The following ROBO2 variants were observed in gnomAD, a reference collection of about 807,000 sequenced individuals.
The protein encoded by ROBO2 is roundabout guidance receptor 2, also known as roundabout homolog 2.
ROBO2 carries 53 observed loss-of-function variants against 160.8 expected under a neutral mutation model. The observed-to-expected ratio is 0.33, with a 90% confidence interval of 0.26 to 0.41. The LOEUF (loss-of-function observed/expected upper bound fraction) is 0.41, where lower values mean the gene tolerates loss of function less well. Among genes scored for constraint, ROBO2 ranks in the 10% least tolerant of loss-of-function variants. ROBO2 has a pLI of 1.00. For synonymous variants in ROBO2, 664 were observed against 611.7 expected, an observed-to-expected ratio of 1.09 and a Z score of -1.26; for missense variants, 1,577 against 1,722.4, an observed-to-expected ratio of 0.92 and a Z score of 1.49.
chr3:76,824,045 C>T (rs2066356739), intron 2 of ROBO2, among the ~76,000 whole-genome samples: 1 of 152,134 alleles, frequency 6.6e-6, no homozygotes, highest in African/African-American at 2.4e-5. Context: ...GGCCATGATC[C>T]TTTCATGTTG....
In ROBO2 at chr3:76,309,751, A is replaced by G. The variant is rs564040763; in HGVS notation, c.109+372149A>G. On this transcript the variant is annotated intron_variant, in intron 2 of 26. Coordinates refer to the ROBO2 transcript ENST00000487694. ...CATATACTAACATGTAGACAGATTT[A>G]AAATAGTAGCCAGAATGTTTTGATC... Among the ~76,000 whole-genome samples the G allele has an allele frequency of 7.2e-5, 11 of 152,106 alleles. No homozygotes were observed. In the South Asian group the frequency reaches 1.2e-3, roughly 17 times the overall value.
chr3:75,926,057 GA>G (rs890343710), intron 1 of ROBO2, among the ~76,000 whole-genome samples: 4 of 151,884 alleles, frequency 2.6e-5, no homozygotes, highest in Non-Finnish European at 5.9e-5. Context: ...CAGTAAAACA[GA>G]AAAAAAATCT....
intron 2 of ROBO2, among the ~76,000 whole-genome samples, chr3:76,934,919 C>T (rs1192596990): frequency 6.6e-6 from 1 of 150,740 alleles, no homozygotes; most frequent in Admixed American, 6.6e-5. Context: ...GACTTTTAAA[C>T]TGTTTTTACT....
chr3:77,293,789 G>T (rs1424913383), intron 2 of ROBO2, among the ~76,000 whole-genome samples: 1 of 142,356 alleles, frequency 7.0e-6, no homozygotes, highest in Non-Finnish European at 1.5e-5. Context: ...ATGGTTAAAC[G>T]GGAAGTTGAG....
At chr3:76,020,014 A>G (rs1295807624) in intron 2 of ROBO2, among the ~76,000 whole-genome samples, 4 of 151,942 alleles carry the variant, frequency 2.6e-5, no homozygotes, top group Admixed American at 6.6e-5. Flanking sequence ...TGTGTATCTG[A>G]GAATACTGTG....
intron 2 of ROBO2, among the ~76,000 whole-genome samples, chr3:76,859,471 T>A (rs961786638): frequency 1.3e-5 from 2 of 152,162 alleles, no homozygotes; most frequent in East Asian, 3.9e-4. Flanking sequence ...ATTGGCCCTC[T>A]GATGATTCTA....
chr3:77,580,262 T>C (rs1312796289), intron 16 of ROBO2, 144 bp downstream of exon 17: 3 of 793,794 alleles, frequency 3.8e-6, no homozygotes, highest in African/African-American at 1.7e-5. Flanking sequence ...GTTAACTGAC[T>C]AGAGTTTTTT....
chr3:77,300,846 C>CTATTTATTTATT (rs3070173), intron 2 of ROBO2, among the ~76,000 whole-genome samples: 6 of 146,264 alleles, frequency 4.1e-5, no homozygotes, highest in South Asian at 2.2e-4. Flanking sequence ...AAATAATAGA[C>CTATTTATTTATT]TATTTATTTA....
At chr3:77,114,581 A>G (rs1201243621) in intron 2 of ROBO2, among the ~76,000 whole-genome samples, 1 of 152,152 alleles carries the variant, frequency 6.6e-6, no homozygotes, top group Non-Finnish European at 1.5e-5. Context: ...CCTTGTGACC[A>G]TGTAATTAAG....
At chr3:76,369,313 C>T (rs1178105805) in intron 2 of ROBO2, among the ~76,000 whole-genome samples, 2 of 151,908 alleles carry the variant, frequency 1.3e-5, no homozygotes, top group Non-Finnish European at 2.9e-5. Context: ...TCCTGGTTCC[C>T]CGGTTTCCAC....
At chr3:76,587,036 C>T (rs866129303) in intron 2 of ROBO2, among the ~76,000 whole-genome samples, 2 of 151,956 alleles carry the variant, frequency 1.3e-5, no homozygotes, top group Admixed American at 6.6e-5. Flanking sequence ...ATTGTTGAGC[C>T]CAGATACATG....
At chr3:77,548,518 T>A (rs1029679284) in intron 7 of ROBO2, among the ~76,000 whole-genome samples, 1 of 152,058 alleles carries the variant, frequency 6.6e-6, no homozygotes, top group Non-Finnish European at 1.5e-5. Flanking sequence ...AGCTCCAAGT[T>A]GAATTACAAG....
intron 1 of ROBO2, among the ~76,000 whole-genome samples, chr3:77,095,718 G>T (rs2070959786): frequency 6.6e-6 from 1 of 152,106 alleles, no homozygotes; most frequent in South Asian, 2.1e-4. Context: ...ATATGTTTCT[G>T]ATTTGCAACC....
At chr3:76,820,162 G>A (rs2065994363) in intron 2 of ROBO2, among the ~76,000 whole-genome samples, 1 of 151,952 alleles carries the variant, frequency 6.6e-6, no homozygotes, top group Non-Finnish European at 1.5e-5. Flanking sequence ...GTGATTTGAA[G>A]CATCACAATT....
intron 2 of ROBO2, among the ~76,000 whole-genome samples, chr3:76,579,475 AT>A (rs1278396193): frequency 2.0e-5 from 3 of 152,214 alleles, no homozygotes; most frequent in African/African-American, 7.2e-5. Context: ...TTCAATAAAT[AT>A]TTCTTGAAGA....
chr3:76,834,860 C>A (rs1341330853), intron 2 of ROBO2, among the ~76,000 whole-genome samples: 1 of 152,126 alleles, frequency 6.6e-6, no homozygotes, highest in East Asian at 1.9e-4. Flanking sequence ...ATTCTTGAGG[C>A]AACCCAATTG....
intron 2 of ROBO2, among the ~76,000 whole-genome samples, chr3:76,154,653 G>T (rs1458305441): frequency 6.6e-6 from 1 of 152,020 alleles, no homozygotes; most frequent in East Asian, 1.9e-4. Context: ...AATGTACTCT[G>T]CTTTCTATTA....
chr3:77,237,411 T>TTTTGTG (rs374947657), intron 2 of ROBO2, among the ~76,000 whole-genome samples: 12 of 131,120 alleles, frequency 9.2e-5, no homozygotes, highest in African/African-American at 3.1e-4. Context: ...TTGTTTTGTT[T>TTTTGTG]TGTGTGTGTG....
chr3:77,484,080 G>A (rs2085030387), intron 4 of ROBO2, among the ~76,000 whole-genome samples: 1 of 151,930 alleles, frequency 6.6e-6, no homozygotes, highest in Non-Finnish European at 1.5e-5. Context: ...CATACTCCAT[G>A]AATCACATAT....
Sources: gnomAD v4.1 joint callset for allele counts (sites outside exome capture counted in the v4.1 genomes callset) on GRCh38, gnomAD v4.1.1 for gene constraint, MANE v1.5 for transcripts, NCBI Gene and HGNC (gene_info 2026-07-23, HGNC 2026-07-21) for gene names.